The following ELP4 variants were observed in gnomAD, a reference collection of about 807,000 sequenced individuals.
The protein encoded by ELP4 is elongator acetyltransferase complex subunit 4, also known as elongator complex protein 4.
Under a neutral mutation model 48.9 loss-of-function variants are expected in ELP4, and 51 were observed. That is an observed-to-expected ratio of 1.04 (90% CI 0.83 to 1.32). The LOEUF (loss-of-function observed/expected upper bound fraction) is 1.32, where lower values mean the gene tolerates loss of function less well. Among genes scored for constraint, ELP4 ranks in the 40% most tolerant of loss-of-function variants. The pLI is 0.00. For synonymous variants in ELP4, 210 were observed against 189.2 expected, an observed-to-expected ratio of 1.11 and a Z score of -0.90; for missense variants, 519 against 514.6, an observed-to-expected ratio of 1.01 and a Z score of -0.08.
chr11:31,539,804 A>G lies in ELP4; in HGVS notation c.381+21A>G, dbSNP rs1303297915. On this transcript the variant is annotated intron_variant, in intron 3 of 9. Coordinates refer to ENST00000640961, the MANE Select transcript of ELP4 (RefSeq NM_019040.5). ...TACAGGTATAGAATATATGAACTTAATATTGCATTTTGAATGTTTCATGAA... is the reference window on the plus strand; with the variant it reads ...TACAGGTATAGAATATATGAACTTAGTATTGCATTTTGAATGTTTCATGAA... 4 of 1,558,514 alleles carry G rather than the reference A, an allele frequency of 2.6e-6. No individual in the cohort carries two copies. In the Admixed American group the frequency reaches 5.9e-5, roughly 23 times the overall value.
chr11:31,615,309 G>A (rs1958056019), intron 5 of ELP4, among the ~76,000 whole-genome samples: 1 of 151,910 alleles, frequency 6.6e-6, no homozygotes, highest in African/African-American at 2.4e-5. Flanking sequence ...CAGGCAAAAG[G>A]TTAACGTTAA....
At chr11:31,676,530 C>CA (rs1333046414) in intron 9 of ELP4, among the ~76,000 whole-genome samples, 1 of 152,042 alleles carries the variant, frequency 6.6e-6, no homozygotes, top group Non-Finnish European at 1.5e-5. Context: ...ATAAGGTGCT[C>CA]AAAAAAACAA....
Position 31,701,586 on chromosome 11 carries a change from TC to T in ELP4, c.1143+51367del, listed in dbSNP as rs1304711197. 4.6e-5 allele frequency among the ~76,000 whole-genome samples: 7 copies of T among 151,908 alleles called. No homozygotes were observed. In the East Asian group the frequency reaches 1.4e-3, roughly 29 times the overall value. On this transcript the variant is annotated intron_variant, in intron 9 of 9. Coordinates refer to ENST00000640961, the MANE Select transcript of ELP4 (RefSeq NM_019040.5). ...AACATAATTTTATAATAGCTCTGTC[TC>T]CTGGGTTCTAAAACTGCTTTTTTCT...
At chr11:31,721,128 T>C (rs1946951303) in intron 9 of ELP4, among the ~76,000 whole-genome samples, 1 of 152,208 alleles carries the variant, frequency 6.6e-6, no homozygotes, top group South Asian at 2.1e-4. Flanking sequence ...TCAGGCTTTG[T>C]TTGCCAGTTT....
intron 9 of ELP4, among the ~76,000 whole-genome samples, chr11:31,690,766 G>T (rs74657715): frequency 0.034 from 5,019 of 147,776 alleles, 124 homozygotes; most frequent in Admixed American, 0.078. Flanking sequence ...TTCCTGTACT[G>T]AGTACTTAGT....
At chr11:31,607,845 C>T (rs16922313) in intron 5 of ELP4, among the ~76,000 whole-genome samples, 3,024 of 152,144 alleles carry the variant, frequency 0.02, 94 homozygotes, top group African/African-American at 0.068. Flanking sequence ...CTGTGAGAAC[C>T]GCTCGGTCTT....
chr11:31,679,067 T>C (rs1009679867), intron 9 of ELP4, among the ~76,000 whole-genome samples: 1 of 152,230 alleles, frequency 6.6e-6, no homozygotes, highest in African/African-American at 2.4e-5. Context: ...CTGTCTTCTT[T>C]GGTGAGTTGT....
intron 9 of ELP4, among the ~76,000 whole-genome samples, chr11:31,701,466 A>G (rs1173905653): frequency 1.3e-5 from 2 of 151,896 alleles, no homozygotes; most frequent in African/African-American, 4.8e-5. Context: ...TAGTAGAATC[A>G]TGCTATTGCC....
At chr11:31,710,651 A>T (rs1039515106) in intron 9 of ELP4, among the ~76,000 whole-genome samples, 4 of 152,122 alleles carry the variant, frequency 2.6e-5, no homozygotes, top group Admixed American at 2.6e-4. Context: ...ATATGAAATA[A>T]CTAAAACACA....
At chr11:31,718,284 A>G (rs1202081351) in intron 9 of ELP4, among the ~76,000 whole-genome samples, 2 of 152,166 alleles carry the variant, frequency 1.3e-5, no homozygotes, top group South Asian at 2.1e-4. Context: ...ATCTTGCAAG[A>G]TATTTTCTAT....
intron 3 of ELP4, among the ~76,000 whole-genome samples, chr11:31,576,100 A>G (rs1481723629): frequency 6.6e-6 from 1 of 152,256 alleles, no homozygotes; most frequent in Non-Finnish European, 1.5e-5. Flanking sequence ...AAGAAGATCT[A>G]CCAAGCAAAT....
At chr11:31,747,679 T>G (rs922705575) in intron 9 of ELP4, among the ~76,000 whole-genome samples, 6 of 152,194 alleles carry the variant, frequency 3.9e-5, no homozygotes, top group African/African-American at 2.4e-5. Context: ...TGGAGAGACA[T>G]GACATCAGTA....
At position 31,790,110 on chromosome 11, in the gene ELP4, A is replaced by C. The variant is rs190644369; in HGVS notation, c.*6586A>C. 45 of 799,186 alleles carry C rather than the reference A, an allele frequency of 5.6e-5. No individual in the cohort carries two copies. The highest frequency in any genetic ancestry group is 8.5e-5 in the Non-Finnish European group (42 of 494,600). The allele number at this position is 799,186 out of a possible 1,614,324, so 49.5% of individuals were successfully genotyped here. A position where few individuals can be genotyped will look rare whatever the true frequency, so the allele number is the denominator to read the frequency against. On this transcript the variant is annotated 3_prime_UTR_variant, in exon 10 of 10. Coordinates refer to ENST00000640961, the MANE Select transcript of ELP4 (RefSeq NM_019040.5). ...TTTATAGGTTTACAAAAAAAAAAAA[A>C]AAAAAAAAAACTAATACTTTCTAAC...
At chr11:31,646,473 A>G (rs948793288) in intron 7 of ELP4, 2 of 151,798 alleles carry the variant, frequency 1.3e-5, no homozygotes, top group Non-Finnish European at 2.9e-5. Context: ...GTCAGGTAAC[A>G]TTGACCAGCC....
At chr11:31,545,023 C>T (rs1956674015) in intron 3 of ELP4, among the ~76,000 whole-genome samples, 1 of 151,924 alleles carries the variant, frequency 6.6e-6, no homozygotes, top group Non-Finnish European at 1.5e-5. Context: ...CATCAAAGAC[C>T]AAAAGTAGAT....
intron 9 of ELP4, among the ~76,000 whole-genome samples, chr11:31,744,854 A>G (rs1410131860): frequency 6.6e-6 from 1 of 151,838 alleles, no homozygotes; most frequent in Admixed American, 6.6e-5. Context: ...CTCTCTCACC[A>G]CTCCTATTCA....
intron 3 of ELP4, among the ~76,000 whole-genome samples, chr11:31,548,514 T>G (rs1956777413): frequency 6.6e-6 from 1 of 152,180 alleles, no homozygotes; most frequent in African/African-American, 2.4e-5. Context: ...GAATATTCCA[T>G]GCTCATGGGT....
At chr11:31,541,590 A>G (rs1404900352) in intron 3 of ELP4, 1 of 152,198 alleles carries the variant, frequency 6.6e-6, no homozygotes, top group Non-Finnish European at 1.5e-5. Flanking sequence ...CAGAAGCAGA[A>G]ATGCCTGTAT....
intron 9 of ELP4, among the ~76,000 whole-genome samples, chr11:31,782,556 T>C (rs1948401548): frequency 6.6e-6 from 1 of 152,236 alleles, no homozygotes; most frequent in South Asian, 2.1e-4. Flanking sequence ...TTGATATTCT[T>C]TTGAAAACAG....
Sources: gnomAD v4.1 joint callset for allele counts (sites outside exome capture counted in the v4.1 genomes callset) on GRCh38, gnomAD v4.1.1 for gene constraint, MANE v1.5 for transcripts, NCBI Gene and HGNC (gene_info 2026-07-23, HGNC 2026-07-21) for gene names.